The following BICRAL variants were observed in gnomAD, a reference collection of about 807,000 sequenced individuals.
BICRAL encodes the protein BRD4-interacting chromatin-remodeling complex-associated protein-like.
In BICRAL, 8 loss-of-function variants were observed where a neutral mutation model predicts 91.8. That is an observed-to-expected ratio of 0.09 (90% CI 0.05 to 0.16). The LOEUF is 0.16. BICRAL is among the 10% of genes least tolerant of loss of function. The pLI is 1.00. For missense variants in BICRAL, 1,038 were observed against 1,310.9 expected (o/e 0.79, Z 3.21); for synonymous variants, 445 against 491.1 (o/e 0.91, Z 1.24).
intron 6 of BICRAL, among the ~76,000 whole-genome samples, chr6:42,834,568 C>T (rs1764588631): frequency 6.6e-6 from 1 of 152,154 alleles, no homozygotes; most frequent in African/African-American, 2.4e-5. Flanking sequence ...TTTTCCTTTT[C>T]TTCCCTTTAC....
chr6:42,852,429 A>G lies in BICRAL; in HGVS notation c.1945+232A>G, dbSNP rs768443436. 5.9e-5 allele frequency: 37 copies of G among 628,702 alleles called. 1 individual carries two copies. Among genetic ancestry groups the G allele is most frequent in the South Asian group, 5.4e-4 (36 of 66,074 alleles). The allele number at this position is 628,702 out of a possible 1,614,324, so 38.9% of individuals were successfully genotyped here. A position where few individuals can be genotyped will look rare whatever the true frequency, so the allele number is the denominator to read the frequency against. ...GTAATGCCAGCACTTTGGGAGGCCA[A>G]GGAGAGTGGATCACCTGAGATCAGG... On this transcript the variant is annotated intron_variant, in intron 7 of 12. Transcript: ENST00000314073.
rs1181773362 is a variant in BICRAL, at chr6:42,853,716, C to A, written c.2024C>A (p.Ser675Tyr). 1 of 1,612,218 alleles carries A rather than the reference C, an allele frequency of 6.2e-7. No individual in the cohort carries two copies. Among genetic ancestry groups the A allele is most frequent in the East Asian group, 2.2e-5 (1 of 44,886 alleles). Residue 675 changes from serine (S) to tyrosine (Y), a missense_variant, in exon 8 of 13, where the codon TCT becomes TAT. By Grantham distance (144) the Ser-to-Tyr change is moderately radical. This residue lies in a region of BICRAL where 532 missense variants were observed against 724.9 expected (regional missense o/e 0.73). Transcript: ENST00000314073. ...QPQQEKVVGS[S>Y]PGHPAVQVES... ...CAGCAGGAAAAAGTAGTTGGATCAT[C>A]TCCTGGCCATCCAGCTGTGCAGGTA...
intron 1 of BICRAL, among the ~76,000 whole-genome samples, chr6:42,750,595 AGAC>A (rs1385331472): frequency 6.6e-6 from 1 of 152,164 alleles, no homozygotes; most frequent in African/African-American, 2.4e-5. Flanking sequence ...TTTTTTCTCA[AGAC>A]GACGTCTTGC....
chr6:42,751,154 T>C (rs1467980938), intron 1 of BICRAL, among the ~76,000 whole-genome samples: 4 of 140,252 alleles, frequency 2.9e-5, no homozygotes, highest in Non-Finnish European at 6.2e-5. Flanking sequence ...CTTAAATCAC[T>C]TTTTTTTTTT....
At chr6:42,828,402 A>G (rs1487889744) in intron 5 of BICRAL, 91 bp from the exon 6 acceptor site, 1 of 633,580 alleles carries the variant, frequency 1.6e-6, no homozygotes, top group Non-Finnish European at 2.2e-6. Flanking sequence ...CTCCATCTCA[A>G]AAAAAAAAAA....
At chr6:42,764,964 T>C (rs1169861068) in intron 1 of BICRAL, among the ~76,000 whole-genome samples, 1 of 152,178 alleles carries the variant, frequency 6.6e-6, no homozygotes, top group Non-Finnish European at 1.5e-5. Context: ...CGGCCTAGGT[T>C]ATGTTTTAAA....
chr6:42,783,909 A>G (rs969889800), intron 1 of BICRAL, among the ~76,000 whole-genome samples: 1 of 152,286 alleles, frequency 6.6e-6, no homozygotes, highest in Middle Eastern at 3.4e-3. Flanking sequence ...GGGGCAGGGC[A>G]TTGAGCCTTT....
upstream of BICRAL, among the ~76,000 whole-genome samples, chr6:42,746,453 C>T (rs918551931): frequency 2.6e-5 from 4 of 151,286 alleles, no homozygotes; most frequent in Non-Finnish European, 5.9e-5. Context: ...CCAGCTCCTC[C>T]CTACTACCCC....
At chr6:42,839,328 A>T (rs1764723276) in intron 6 of BICRAL, among the ~76,000 whole-genome samples, 1 of 152,098 alleles carries the variant, frequency 6.6e-6, no homozygotes, top group African/African-American at 2.4e-5. Context: ...TTTAAAAAAT[A>T]GAGCTGGGGT....
intron 5 of BICRAL, among the ~76,000 whole-genome samples, chr6:42,827,002 TCTCAAACTCCCAAC>T (rs1421752885): frequency 1.3e-5 from 2 of 152,072 alleles, no homozygotes; most frequent in African/African-American, 4.8e-5. Flanking sequence ...GTCAGGCTGG[TCTCAAACTCCCAAC>T]CTCAGGTGAT....
chr6:42,774,038 T>C (rs1309285655), intron 1 of BICRAL, among the ~76,000 whole-genome samples: 1 of 152,234 alleles, frequency 6.6e-6, no homozygotes, highest in African/African-American at 2.4e-5. Flanking sequence ...GTCTTTTCTG[T>C]GACAAATAAT....
chr6:42,780,575 T>C (rs936125420), upstream of BICRAL, among the ~76,000 whole-genome samples: 1 of 152,208 alleles, frequency 6.6e-6, no homozygotes, highest in Non-Finnish European at 1.5e-5. Flanking sequence ...ATGTATTTTT[T>C]AAAACCTGAA....
intron 1 of BICRAL, among the ~76,000 whole-genome samples, chr6:42,773,858 C>T (rs1012275600): frequency 4.6e-5 from 7 of 152,170 alleles, no homozygotes. Flanking sequence ...GCAGCTTTGA[C>T]CTCCTGGGCT....
At chr6:42,774,963 G>A (rs1027431931) in intron 1 of BICRAL, among the ~76,000 whole-genome samples, 5 of 149,980 alleles carry the variant, frequency 3.3e-5, no homozygotes, top group South Asian at 2.1e-4. Flanking sequence ...ACAGAGTTTC[G>A]CTCTTGTTGC....
intron 2 of BICRAL, among the ~76,000 whole-genome samples, chr6:42,812,680 T>G (rs1235216623): frequency 6.6e-6 from 1 of 152,032 alleles, no homozygotes; most frequent in African/African-American, 2.4e-5. Flanking sequence ...AAGAAAAGAT[T>G]TATGAATCTG....
At chr6:42,772,153 C>T (rs1762747491) in intron 1 of BICRAL, among the ~76,000 whole-genome samples, 2 of 152,038 alleles carry the variant, frequency 1.3e-5, no homozygotes, top group South Asian at 2.1e-4. Flanking sequence ...AAGTGCCTAA[C>T]AGCATTTGAA....
chr6:42,783,489 G>C (rs575305459), intron 1 of BICRAL, among the ~76,000 whole-genome samples: 1 of 152,310 alleles, frequency 6.6e-6, no homozygotes, highest in Admixed American at 6.5e-5. Context: ...GCCAGGGCTG[G>C]TGGCGCAGTT....
chr6:42,762,382 C>T (rs889096497), intron 1 of BICRAL, among the ~76,000 whole-genome samples: 3 of 152,136 alleles, frequency 2.0e-5, no homozygotes, highest in African/African-American at 7.2e-5. Context: ...ATTTCAATGA[C>T]AGTTTTAAAA....
intron 6 of BICRAL, among the ~76,000 whole-genome samples, chr6:42,832,476 C>A (rs1275460945): frequency 1.4e-5 from 2 of 146,546 alleles, no homozygotes; most frequent in Non-Finnish European, 3.0e-5. Context: ...AAACCATATA[C>A]CTTTGACTTA....
Sources: allele counts gnomAD v4.1 joint callset (sites outside exome capture counted in the v4.1 genomes callset), GRCh38; gene constraint gnomAD v4.1.1; regional missense constraint gnomAD v4.1.1; transcripts MANE v1.5; gene names NCBI Gene and HGNC (gene_info 2026-07-23, HGNC 2026-07-21).